The following ZNF141 variants were observed in gnomAD, a reference collection of about 807,000 sequenced individuals.
ZNF141 encodes the protein zinc finger protein 141.
ZNF141 carries 7 observed loss-of-function variants against 11.3 expected under a neutral mutation model. That is an observed-to-expected ratio of 0.62 (90% CI 0.35 to 1.16). ZNF141 has a LOEUF of 1.16. Among genes scored for constraint, ZNF141 ranks in the 50% most tolerant of loss-of-function variants. The probability of loss-of-function intolerance (pLI) is 0.02; values close to 1 mark genes in which losing one functional copy is unlikely to be tolerated. For synonymous variants in ZNF141, 183 were observed against 190.7 expected (o/e 0.96, Z 0.33); for missense variants, 535 against 554.0 (o/e 0.97, Z 0.34).
chr4:339,808 A>C (rs1056406997), intron 1 of ZNF141, among the ~76,000 whole-genome samples: 1 of 152,236 alleles, frequency 6.6e-6, no homozygotes, highest in Admixed American at 6.5e-5. Context: ...TTTCTGTAGC[A>C]GAGTAGGAGG....
chr4:343,067 A>G (rs1299227417), intron 1 of ZNF141: 7 of 339,230 alleles, frequency 2.1e-5, no homozygotes, highest in African/African-American at 5.4e-5. Flanking sequence ...TTAAAAAAGT[A>G]TTTAAAAAGT....
chr4:354,490 G>T (rs1581600018), intron 3 of ZNF141, among the ~76,000 whole-genome samples: 1 of 152,046 alleles, frequency 6.6e-6, no homozygotes, highest in Non-Finnish European at 1.5e-5. Context: ...TAAAACCTTT[G>T]ATTTAGAAAA....
chr4:367,104 A>G (rs1288518143), intron 3 of ZNF141, among the ~76,000 whole-genome samples: 1 of 152,256 alleles, frequency 6.6e-6, no homozygotes, highest in Non-Finnish European at 1.5e-5. Flanking sequence ...CTGATATCAT[A>G]CTGGATAGGA....
chr4:369,175 ACT>A (rs1454288357), intron 3 of ZNF141, among the ~76,000 whole-genome samples: 45 of 144,790 alleles, frequency 3.1e-4, no homozygotes, highest in African/African-American at 1.2e-3. Flanking sequence ...ACACACACAC[ACT>A]CACACACACA....
chr4:367,397 C>T (rs552984475), intron 3 of ZNF141, among the ~76,000 whole-genome samples: 12 of 152,116 alleles, frequency 7.9e-5, no homozygotes, highest in African/African-American at 2.4e-4. Context: ...ATTTGTAAAT[C>T]TATATTTGTG....
chr4:375,942 G>T lies in ZNF141; in HGVS notation c.*2080G>T, dbSNP rs575222089. Among the ~76,000 whole-genome samples, 3 of 152,064 alleles carry T rather than the reference G, an allele frequency of 2.0e-5. No homozygotes were observed. The highest frequency in any genetic ancestry group is 7.2e-5 in the African/African-American group (3 of 41,546). ...GTTGACAATATTGAGTGATGCATGA[G>T]GTAGGTGTTCAGAGTAATATTCTTC... On this transcript the variant is annotated 3_prime_UTR_variant, in exon 4 of 4. Coordinates refer to ENST00000240499, the MANE Select transcript of ZNF141 (RefSeq NM_003441.4).
intron 1 of ZNF141, among the ~76,000 whole-genome samples, chr4:341,459 T>C (rs1312054135): frequency 6.6e-6 from 1 of 152,222 alleles, no homozygotes; most frequent in Non-Finnish European, 1.5e-5. Context: ...AGAATAAATA[T>C]TTAGCTTCTA....
chr4:354,017 A>G (rs554264112), intron 3 of ZNF141, among the ~76,000 whole-genome samples: 40 of 152,326 alleles, frequency 2.6e-4, no homozygotes, highest in Non-Finnish European at 5.3e-4. Context: ...TTTTCCACTA[A>G]TAGGCTACAT....
chr4:373,546 A>G lies in ZNF141; in HGVS notation c.1109A>G (p.Asp370Gly), dbSNP rs1553854049. Residue 370 changes from aspartate to glycine, a missense_variant, in exon 4 of 4, where the codon GAT (aspartate) becomes GGT (glycine). By Grantham distance (94) the Asp-to-Gly change is moderately conservative. Transcript: ENST00000240499. ...VHTGERPYKCDECGKAFGRSR... is the reference protein window; with the variant it reads ...VHTGERPYKCGECGKAFGRSR... ...ACTGGAGAGCGGCCCTACAAATGTG[A>G]TGAATGTGGCAAAGCCTTTGGACGG... 6.2e-7 allele frequency: 1 copy of G among 1,614,022 alleles called. No homozygotes were observed. The highest frequency in any genetic ancestry group is 1.7e-5 in the Admixed American group (1 of 60,018).
rs111394409 is a variant in ZNF141, at chr4:373,412, C to G, written c.975C>G (p.Thr325=). ...GCAAAGCCTTTAATAGGTCCACAAC[C>G]CTTACTAAACATAAGAGAATTCATA... ...ECGKAFNRST[T]LTKHKRIHTG... The change falls in exon 4 of 4, where the codon ACC becomes ACG. Residue 325 remains threonine, a synonymous_variant. Coordinates refer to ENST00000240499, the MANE Select transcript of ZNF141 (RefSeq NM_003441.4). 4 of 1,612,362 alleles carry G rather than the reference C, an allele frequency of 2.5e-6. No homozygotes were observed. In the African/African-American group the frequency reaches 5.4e-5, roughly 22 times the overall value.
chr4:361,288 T>G (rs1410336711), intron 3 of ZNF141, among the ~76,000 whole-genome samples: 1 of 149,606 alleles, frequency 6.7e-6, no homozygotes, highest in African/African-American at 2.5e-5. Context: ...GATTTTTATA[T>G]TTGTATCACT....
chr4:349,256 A>G (rs1721479869), intron 3 of ZNF141, among the ~76,000 whole-genome samples: 1 of 151,804 alleles, frequency 6.6e-6, no homozygotes, highest in African/African-American at 2.4e-5. Flanking sequence ...CAATAGAGTG[A>G]GGCCCTGTCT....
intron 3 of ZNF141, among the ~76,000 whole-genome samples, chr4:367,084 A>G (rs1711779730): frequency 6.6e-6 from 1 of 152,252 alleles, no homozygotes; most frequent in African/African-American, 2.4e-5. Context: ...CCTATATGAC[A>G]GATTAATAGC....
chr4:384,135 C>T lies in ZNF141; in HGVS notation c.*10273C>T, dbSNP rs1396274298. 6.6e-6 allele frequency: 1 copy of T among 152,164 alleles called. No homozygotes were observed. The highest frequency in any genetic ancestry group is 1.9e-4 in the East Asian group (1 of 5,194). The allele number at this position is 152,164 out of a possible 1,614,324, so 9.4% of individuals were successfully genotyped here. ...CTTAAACTCACACAGTGCCCCATAC[C>T]ACAGGAGAAAAACACACAGTTCCAG... On this transcript the variant is annotated 3_prime_UTR_variant, in exon 4 of 4. Transcript: ENST00000240499.
chr4:354,662 A>AT (rs1346506569), intron 3 of ZNF141, among the ~76,000 whole-genome samples: 2 of 151,880 alleles, frequency 1.3e-5, no homozygotes, highest in African/African-American at 4.8e-5. Context: ...TTTATTTGAG[A>AT]TTTTTAAAAT....
At position 380,714 on chromosome 4, in the gene ZNF141, C is replaced by A. The variant is rs1712573880; in HGVS notation, c.*6852C>A. On this transcript the variant is annotated 3_prime_UTR_variant, in exon 4 of 4. Coordinates refer to ENST00000240499, the MANE Select transcript of ZNF141 (RefSeq NM_003441.4). Reference sequence around the variant, plus strand: ...TTAATAGCATAGGTATTATTATCCTCATTTTACAGAGAAAGAAACAGCCAT... The same window carrying A: ...TTAATAGCATAGGTATTATTATCCTAATTTTACAGAGAAAGAAACAGCCAT... Among the ~76,000 whole-genome samples, 1 of 152,076 alleles carries A rather than the reference C, an allele frequency of 6.6e-6. No individual in the cohort carries two copies. Among genetic ancestry groups the A allele is most frequent in the Non-Finnish European group, 1.5e-5 (1 of 68,000 alleles).
At chr4:357,853 G>A (rs1430951272) in intron 3 of ZNF141, among the ~76,000 whole-genome samples, 6 of 151,504 alleles carry the variant, frequency 4.0e-5, no homozygotes, top group African/African-American at 9.7e-5. Context: ...CTATAGGCGC[G>A]CGCCACCACG....
At position 380,116 on chromosome 4, in the gene ZNF141, C is replaced by T. The variant is rs1301906453; in HGVS notation, c.*6254C>T. Among the ~76,000 whole-genome samples the T allele has an allele frequency of 3.3e-5, 5 of 152,204 alleles. No individual in the cohort carries two copies. Among genetic ancestry groups the T allele is most frequent in the African/African-American group, 1.2e-4 (5 of 41,452 alleles). On this transcript the variant is annotated 3_prime_UTR_variant, in exon 4 of 4. Coordinates refer to ENST00000240499, the MANE Select transcript of ZNF141 (RefSeq NM_003441.4). ...CTACTCTCTGGCTTATTTCACTTAG[C>T]ATAGTGTCTTCCACATTTATCCACA...
chr4:343,953 T>C, intron 2 of ZNF141, 45 bp downstream of exon 2: 1 of 1,572,104 alleles, frequency 6.4e-7, no homozygotes, highest in Non-Finnish European at 8.6e-7. Flanking sequence ...TCTCAGAGCT[T>C]TATTTTATTC....
Sources: gnomAD v4.1 joint callset for allele counts (sites outside exome capture counted in the v4.1 genomes callset) on GRCh38, gnomAD v4.1.1 for gene constraint, MANE v1.5 for transcripts, NCBI Gene and HGNC (gene_info 2026-07-23, HGNC 2026-07-21) for gene names.